The following DCT variants were observed in gnomAD, a reference collection of about 807,000 sequenced individuals.
The protein encoded by DCT is L-dopachrome tautomerase.
In DCT, 47 loss-of-function variants were observed where a neutral mutation model predicts 53.0. The ratio of observed to expected loss-of-function variants is 0.89; its 90% confidence interval spans 0.70 to 1.13. The LOEUF (loss-of-function observed/expected upper bound fraction) is 1.13, where lower values mean the gene tolerates loss of function less well. Ranked by LOEUF, DCT falls within the 50% of genes most tolerant of loss-of-function variation. The pLI is 0.00. For synonymous variants in DCT, 244 were observed against 237.0 expected (o/e 1.03, Z -0.27); for missense variants, 669 against 637.4 (o/e 1.05, Z -0.53).
At chr13:94,503,100 G>C in the DCT span, among the ~76,000 whole-genome samples, 1 of 152,164 alleles carries the variant, frequency 6.6e-6, no homozygotes, top group African/African-American at 2.4e-5. Context: ...AGTTAGGTTG[G>C]GTGCGGTGGC....
At chr13:94,495,486 C>T in the DCT span, among the ~76,000 whole-genome samples, 2 of 152,132 alleles carry the variant, frequency 1.3e-5, no homozygotes, top group African/African-American at 4.8e-5. Context: ...AAGCAGAGCG[C>T]CCAAGACATA....
At chr13:94,509,122 G>A in the DCT span, among the ~76,000 whole-genome samples, 2 of 152,196 alleles carry the variant, frequency 1.3e-5, no homozygotes, top group Admixed American at 1.3e-4. Context: ...AACTGAATGG[G>A]TATTTGGAAA....
the DCT span, among the ~76,000 whole-genome samples, chr13:94,523,405 C>A: frequency 6.6e-6 from 1 of 152,156 alleles, no homozygotes; most frequent in South Asian, 2.1e-4. Context: ...GTCCTACATG[C>A]CCCTCACCTA....
At chr13:94,479,733 G>A (rs570060365), upstream of DCT, 10 of 156,350 alleles carry the variant, frequency 6.4e-5, no homozygotes, top group South Asian at 1.7e-3. Context: ...GCCAAGCCAC[G>A]GGGCCTTGGG....
chr13:94,547,978 A>AT, the DCT span, among the ~76,000 whole-genome samples: 50 of 104,526 alleles, frequency 4.8e-4, no homozygotes, highest in Middle Eastern at 8.9e-3. Flanking sequence ...AAAAAAAAAA[A>AT]AAAAAAATAT....
the DCT span, among the ~76,000 whole-genome samples, chr13:94,542,092 G>A: frequency 6.6e-6 from 1 of 152,116 alleles, no homozygotes; most frequent in Non-Finnish European, 1.5e-5. Context: ...CAGCATATAC[G>A]CTTCCCCTTT....
At chr13:94,503,116 C>A in the DCT span, among the ~76,000 whole-genome samples, 1 of 152,128 alleles carries the variant, frequency 6.6e-6, no homozygotes, top group South Asian at 2.1e-4. Context: ...GTGGCTCATG[C>A]CTATAATCCC....
Position 94,460,246 on chromosome 13 carries a change from C to T in DCT, c.1044-20G>A. On this transcript the variant is annotated intron_variant, in intron 5 of 7. Transcript: ENST00000377028. ...GCATTCCTAGGAGAAACAAGTATATCAGTGACAACAGACAAAGACTGATAA... is the reference window on the plus strand; with the variant it reads ...GCATTCCTAGGAGAAACAAGTATATTAGTGACAACAGACAAAGACTGATAA... The T allele has an allele frequency of 1.2e-6, 2 of 1,609,638 alleles. No homozygotes were observed. The highest frequency in any genetic ancestry group is 3.4e-5 in the Admixed American group (2 of 59,422).
At chr13:94,487,451 C>G in the DCT span, among the ~76,000 whole-genome samples, 3 of 152,284 alleles carry the variant, frequency 2.0e-5, no homozygotes, top group East Asian at 5.8e-4. Context: ...AATTAGATAC[C>G]TTAGAGAATT....
chr13:94,519,202 T>A, the DCT span, among the ~76,000 whole-genome samples: 1 of 152,238 alleles, frequency 6.6e-6, no homozygotes, highest in Non-Finnish European at 1.5e-5. Flanking sequence ...AGTGAAATTG[T>A]GAACTACTTG....
In DCT at chr13:94,478,757, A is replaced by C. The variant is rs149024023; in HGVS notation, c.295+204T>G. 7.5e-4 allele frequency among the ~76,000 whole-genome samples: 115 copies of C among 152,368 alleles called. 1 individual carries two copies. Among genetic ancestry groups the C allele is most frequent in the Middle Eastern group, 6.8e-3 (2 of 294 alleles). ...GGCTTGGCCCACGCCATATTTATTT[A>C]GTCTTCATAACTAGATGTACTAGAG... On this transcript the variant is annotated intron_variant, in intron 1 of 7. Transcript: ENST00000377028.
the DCT span, among the ~76,000 whole-genome samples, chr13:94,519,358 A>G: frequency 6.6e-6 from 1 of 152,128 alleles, no homozygotes; most frequent in African/African-American, 2.4e-5. Flanking sequence ...TGCTTATTCA[A>G]TTTTGGATGG....
intron 7 of DCT, among the ~76,000 whole-genome samples, chr13:94,442,982 A>G (rs1468307241): frequency 1.3e-5 from 2 of 152,172 alleles, no homozygotes; most frequent in African/African-American, 2.4e-5. Context: ...TTTGTGCTCA[A>G]GGCAAATGTT....
Position 94,475,184 on chromosome 13 carries a change from C to T in DCT, c.295+3777G>A, listed in dbSNP as rs114206187. 2.4e-3 allele frequency among the ~76,000 whole-genome samples: 361 copies of T among 152,214 alleles called. 1 individual carries two copies. The highest frequency in any genetic ancestry group is 8.3e-3 in the African/African-American group (343 of 41,524). ...GACATGTGTCCTGCTTTGGGACACA[C>T]GGCTCATCACAGAATGGTAATTATG... On this transcript the variant is annotated intron_variant, in intron 1 of 7. Coordinates refer to ENST00000377028, the MANE Select transcript of DCT (RefSeq NM_001922.5).
At chr13:94,465,446 A>T (rs1041586007) in intron 4 of DCT, 187 bp downstream of exon 4, 16 of 367,274 alleles carry the variant, frequency 4.4e-5, no homozygotes, top group Non-Finnish European at 7.2e-5. Flanking sequence ...TGATTTTGAT[A>T]TTTTTTTTTT....
the DCT span, among the ~76,000 whole-genome samples, chr13:94,507,503 C>CTTTTTT: frequency 1.8e-4 from 25 of 140,278 alleles, no homozygotes; most frequent in African/African-American, 6.3e-4. Flanking sequence ...GGTATATTGA[C>CTTTTTT]TTTTTTTTTT....
chr13:94,464,655 AAAAAAC>A (rs1884044091), intron 4 of DCT, among the ~76,000 whole-genome samples: 1 of 148,590 alleles, frequency 6.7e-6, no homozygotes, highest in Non-Finnish European at 1.5e-5. Flanking sequence ...ACAAAAAAAC[AAAAAAC>A]AAAAAACAAA....
intron 1 of DCT, among the ~76,000 whole-genome samples, chr13:94,470,911 G>T (rs73555879): frequency 0.022 from 3,378 of 152,304 alleles, 124 homozygotes; most frequent in African/African-American, 0.077. Flanking sequence ...TCACTGCCTA[G>T]GCCTGTGCTT....
In DCT at chr13:94,479,289, T is replaced by C. The variant is rs373162250; in HGVS notation, c.-34A>G. 9.4e-5 allele frequency: 140 copies of C among 1,488,262 alleles called. No individual in the cohort carries two copies. Among genetic ancestry groups the C allele is most frequent in the Admixed American group, 4.4e-5 (2 of 45,676 alleles). The allele number at this position is 1,488,262 out of a possible 1,614,324, so 92.2% of individuals were successfully genotyped here. ...AATTGGGAGAGCTCTCTCTCTCTCT[T>C]ACTTTCCTTGTCTCTGTCGTACTTT... On this transcript the variant is annotated 5_prime_UTR_variant, in exon 1 of 8. Coordinates refer to ENST00000377028, the MANE Select transcript of DCT (RefSeq NM_001922.5).
Sources: gnomAD v4.1 joint callset for allele counts (sites outside exome capture counted in the v4.1 genomes callset) on GRCh38, gnomAD v4.1.1 for gene constraint, MANE v1.5 for transcripts, NCBI Gene and HGNC (gene_info 2026-07-23, HGNC 2026-07-21) for gene names.